The following LRP1B variants were observed in gnomAD, a reference collection of about 807,000 sequenced individuals.
LRP1B encodes LDL receptor related protein 1B, also known as low-density lipoprotein receptor-related protein 1B.
A neutral mutation model predicts 556.6 loss-of-function variants in LRP1B; 217 were observed. The ratio of observed to expected loss-of-function variants is 0.39; its 90% CI spans 0.35 to 0.44. The LOEUF (loss-of-function observed/expected upper bound fraction) is 0.44. Among genes scored for constraint, LRP1B ranks in the 20% least tolerant of loss-of-function variants. LRP1B has a pLI of 1.00. For synonymous variants in LRP1B, 2,047 were observed against 1,865.8 expected (o/e 1.10, Z -2.50); for missense variants, 5,053 against 5,620.8 (o/e 0.90, Z 3.23).
intron 86 of LRP1B, among the ~76,000 whole-genome samples, chr2:140,257,380 C>T (rs1049309614): frequency 6.6e-6 from 1 of 152,000 alleles, no homozygotes; most frequent in Non-Finnish European, 1.5e-5. Flanking sequence ...GTTATTCTTA[C>T]CTAGTGATTA....
At chr2:141,476,800 C>A (rs111437639) in intron 3 of LRP1B, among the ~76,000 whole-genome samples, 2 of 151,948 alleles carry the variant, frequency 1.3e-5, no homozygotes, top group Non-Finnish European at 2.9e-5. Context: ...TATAAATATA[C>A]CACCAAATAT....
chr2:141,539,361 T>C (rs1685176207), intron 2 of LRP1B, among the ~76,000 whole-genome samples: 1 of 152,314 alleles, frequency 6.6e-6, no homozygotes, highest in Middle Eastern at 3.4e-3. Context: ...ATTGATTACA[T>C]GAGTCATATC....
At chr2:142,111,828 T>G (rs1706998012) in intron 1 of LRP1B, among the ~76,000 whole-genome samples, 1 of 152,086 alleles carries the variant, frequency 6.6e-6, no homozygotes, top group South Asian at 2.1e-4. Flanking sequence ...TAAACTTCCT[T>G]TAATTGAGTG....
intron 2 of LRP1B, among the ~76,000 whole-genome samples, chr2:141,753,263 C>CCATATATATATATATATATAT (rs533996017): frequency 3.2e-5 from 2 of 62,554 alleles, no homozygotes; most frequent in South Asian, 1.2e-3. Context: ...TCTCTCTCTC[C>CCATATATATATATATATATAT]ATATATATAT....
chr2:141,503,290 T>G (rs1683799055), intron 2 of LRP1B, among the ~76,000 whole-genome samples: 2 of 148,152 alleles, frequency 1.3e-5, no homozygotes, highest in East Asian at 1.9e-4. Context: ...ATACAATTAT[T>G]TTTATATATA....
chr2:141,630,054 C>A (rs116248795), intron 2 of LRP1B, among the ~76,000 whole-genome samples: 48 of 152,254 alleles, frequency 3.2e-4, no homozygotes, highest in Admixed American at 1.0e-3. Flanking sequence ...TCCCTCACCC[C>A]CTATAGCTAA....
intron 86 of LRP1B, among the ~76,000 whole-genome samples, chr2:140,247,707 C>T (rs1032436663): frequency 2.0e-5 from 3 of 151,594 alleles, no homozygotes; most frequent in African/African-American, 7.3e-5. Context: ...ACTATGAAGT[C>T]AAGAGAATGT....
chr2:140,296,210 T>C (rs908466048), intron 84 of LRP1B, among the ~76,000 whole-genome samples: 2 of 152,110 alleles, frequency 1.3e-5, no homozygotes, highest in African/African-American at 2.4e-5. Context: ...GGCAGAAGAT[T>C]AGTAAAAAAT....
chr2:140,236,619 T>C (rs892543579), intron 89 of LRP1B, among the ~76,000 whole-genome samples: 1 of 150,906 alleles, frequency 6.6e-6, no homozygotes, highest in Admixed American at 6.6e-5. Context: ...TAAAAGGCTG[T>C]GGATTGTCAG....
chr2:140,684,249 C>CT lies in LRP1B; in HGVS notation c.6799+16000dup, dbSNP rs1201041741. 1.4e-4 allele frequency among the ~76,000 whole-genome samples: 21 copies of CT among 152,254 alleles called. No individual in the cohort carries two copies. In the East Asian group the frequency reaches 3.9e-3, roughly 28 times the overall value. On this transcript the variant is annotated intron_variant, in intron 41 of 90. Coordinates refer to ENST00000389484, the MANE Select transcript of LRP1B (RefSeq NM_018557.3). ...AAAAATTACTTAAAAAATTATGTTT[C>CT]TTTTTTACTAATTTTGAAATCAATG...
At chr2:142,055,064 T>A (rs534271593) in intron 1 of LRP1B, among the ~76,000 whole-genome samples, 1 of 152,272 alleles carries the variant, frequency 6.6e-6, no homozygotes, top group East Asian at 1.9e-4. Flanking sequence ...TTATGCTGCT[T>A]GCGTATGTCG....
intron 7 of LRP1B, among the ~76,000 whole-genome samples, chr2:141,123,865 T>A (rs1701129028): frequency 6.6e-6 from 1 of 152,138 alleles, no homozygotes; most frequent in Non-Finnish European, 1.5e-5. Context: ...TATAAAAATT[T>A]AAAGTATAAA....
intron 1 of LRP1B, among the ~76,000 whole-genome samples, chr2:142,024,420 C>T (rs181384380): frequency 2.9e-4 from 44 of 152,246 alleles, no homozygotes; most frequent in African/African-American, 9.6e-4. Context: ...CATTCAGTAG[C>T]TCTAGGGTGA....
intron 34 of LRP1B, among the ~76,000 whole-genome samples, chr2:140,770,515 C>T (rs77532482): frequency 4.1e-4 from 63 of 151,844 alleles, no homozygotes; most frequent in Non-Finnish European, 9.0e-4. Context: ...CTAATATAGT[C>T]TAAAGTAAAC....
At chr2:141,060,192 T>C (rs1425608793) in intron 8 of LRP1B, among the ~76,000 whole-genome samples, 2 of 151,806 alleles carry the variant, frequency 1.3e-5, no homozygotes, top group African/African-American at 4.8e-5. Context: ...TTTCTGGTCT[T>C]CTTGTATGAG....
At chr2:140,317,967 C>T (rs1423909528) in intron 82 of LRP1B, among the ~76,000 whole-genome samples, 1 of 149,608 alleles carries the variant, frequency 6.7e-6, no homozygotes, top group Non-Finnish European at 1.5e-5. Flanking sequence ...ACTAAATCAC[C>T]CCCAGAAGCC....
rs529534538 is a variant in LRP1B, at chr2:141,659,353, A to G, written c.205+150926T>C. ...ATGAAAACAGCCACAGAAAATATGT[A>G]AATGAGTGAGTACAGCTATTTTCCA... On this transcript the variant is annotated intron_variant, in intron 2 of 90. Transcript: ENST00000389484. Among the ~76,000 whole-genome samples, 75 of 152,316 alleles carry G rather than the reference A, an allele frequency of 4.9e-4. No homozygotes were observed. The South Asian group carries it at 0.015, about 31-fold the overall frequency.
chr2:140,264,702 A>G lies in LRP1B; in HGVS notation c.13247+5540T>C, dbSNP rs986580306. 6.4e-4 allele frequency among the ~76,000 whole-genome samples: 95 copies of G among 148,974 alleles called. 1 individual carries two copies. Among genetic ancestry groups the G allele is most frequent in the African/African-American group, 2.3e-3 (93 of 40,024 alleles). ...TGACAAAAAAAAAAATTGTCTATAT[A>G]TGTGTGTGTGTGTGTGTGTGTGTGT... is the stretch of plus-strand genomic sequence containing the variant. On this transcript the variant is annotated intron_variant, in intron 86 of 90. Coordinates refer to ENST00000389484, the MANE Select transcript of LRP1B (RefSeq NM_018557.3).
At chr2:141,374,728 C>A (rs147530793) in intron 3 of LRP1B, among the ~76,000 whole-genome samples, 211 of 152,120 alleles carry the variant, frequency 1.4e-3, no homozygotes, top group African/African-American at 4.9e-3. Context: ...ATTTTTAAAG[C>A]TTTCTTATCT....
Sources: gnomAD v4.1 joint callset for allele counts (sites outside exome capture counted in the v4.1 genomes callset) on GRCh38, gnomAD v4.1.1 for gene constraint, MANE v1.5 for transcripts, NCBI Gene and HGNC (gene_info 2026-07-23, HGNC 2026-07-21) for gene names.